RCC1L: variants seen among roughly 807,000 people sequenced by gnomAD.
RCC1L encodes RCC1 like, also known as RCC1-like G exchanging factor-like protein.
RCC1L carries 46 observed loss-of-function variants against 58.6 expected under a neutral mutation model. The observed-to-expected ratio is 0.79, with a 90% CI of 0.62 to 1.00. RCC1L has a LOEUF of 1.00. Ranked by LOEUF, RCC1L falls within the 50% of genes least tolerant of loss-of-function variation. The pLI, the probability that RCC1L is intolerant of heterozygous loss-of-function variation, is 0.00. For missense variants in RCC1L, 636 were observed against 623.6 expected, an observed-to-expected ratio of 1.02 and a Z score of -0.21; for synonymous variants, 281 against 262.9, an observed-to-expected ratio of 1.07 and a Z score of -0.67.
chr7:75,027,932 GC>G, exon 11 of RCC1L: 1 of 1,305,436 alleles, frequency 7.7e-7, no homozygotes, highest in Non-Finnish European at 1.1e-6. Flanking sequence ...GTCTCTCCAG[GC>G]CCCAGACCCC....
intron 6 of RCC1L, 36 bp downstream of exon 6, chr7:75,061,171 A>T: frequency 1.3e-6 from 2 of 1,559,888 alleles, no homozygotes; most frequent in African/African-American, 2.7e-5. Flanking sequence ...ACGGGCTGAG[A>T]AGTTTCACGA....
At chr7:75,037,717 G>A (rs1284544151), downstream of RCC1L, among the ~76,000 whole-genome samples, 3 of 151,352 alleles carry the variant, frequency 2.0e-5, no homozygotes, top group Admixed American at 1.3e-4. Flanking sequence ...TCTCAGACTG[G>A]TCAGACTGGT....
At chr7:75,050,024 C>T (rs1256592970) in intron 10 of RCC1L, among the ~76,000 whole-genome samples, 7 of 152,184 alleles carry the variant, frequency 4.6e-5, no homozygotes, top group Non-Finnish European at 8.8e-5. Flanking sequence ...TTAGGGGCTC[C>T]CTGAATGTGC....
In RCC1L at chr7:75,057,667, C is replaced by T. The variant is rs920349829; in HGVS notation, c.970-51G>A. On this transcript the variant is annotated intron_variant, in intron 7 of 10. Transcript: ENST00000610322. ...GTTAGGAAAGCAAGCCAGTAAGGAC[C>T]GGGAAGTGTTCTGGTCTTAGGTACA... is the stretch of plus-strand genomic sequence containing the variant. The T allele has an allele frequency of 5.2e-5, 82 of 1,576,746 alleles. No homozygotes were observed. In the South Asian group the frequency reaches 5.9e-4, roughly 11 times the overall value.
At chr7:75,057,822 T>C (rs1413831588) in intron 7 of RCC1L, 4 of 638,702 alleles carry the variant, frequency 6.3e-6, no homozygotes, top group African/African-American at 5.5e-5. Flanking sequence ...CAGAGAGTTC[T>C]AGTCTAGTGG....
intron 10 of RCC1L, 35 bp downstream of exon 10, chr7:75,052,676 G>T (rs1554443472): frequency 6.3e-7 from 1 of 1,579,990 alleles, no homozygotes; most frequent in East Asian, 2.3e-5. Flanking sequence ...TCTACTCTTA[G>T]CATCCATTCT....
At chr7:75,063,404 C>T (rs1806341876) in intron 4 of RCC1L, 61 bp from the exon 5 acceptor site, 3 of 1,573,944 alleles carry the variant, frequency 1.9e-6, no homozygotes, top group Non-Finnish European at 2.6e-6. Flanking sequence ...CACTGTGCAG[C>T]CCTTTCCCTG....
At chr7:75,034,094 C>T (rs1261283033) in intron 10 of RCC1L, among the ~76,000 whole-genome samples, 3 of 152,056 alleles carry the variant, frequency 2.0e-5, no homozygotes, top group Admixed American at 1.3e-4. Context: ...ACACAGTTTG[C>T]GAAAAACCAC....
chr7:75,039,920 T>C (rs1330316434), downstream of RCC1L, among the ~76,000 whole-genome samples: 55 of 151,992 alleles, frequency 3.6e-4, no homozygotes, highest in Non-Finnish European at 5.9e-5. Context: ...GACGTGTGTG[T>C]CAAATGCTGG....
At position 75,042,225 on chromosome 7, in the gene RCC1L, A is replaced by G; in HGVS notation, c.*807T>C. 2.0e-6 allele frequency: 2 copies of G among 985,484 alleles called. No homozygotes were observed. The highest frequency in any genetic ancestry group is 1.7e-5 in the African/African-American group (1 of 57,374). The allele number at this position is 985,484 out of a possible 1,614,324, so 61.0% of individuals were successfully genotyped here. On this transcript the variant is annotated 3_prime_UTR_variant, in exon 11 of 11. Transcript: ENST00000610322. ...GAAAATAGACTTTATTCCAAGACAGATTTGTAAAAGATGTTTTTAAAGGGA... is the reference window on the plus strand; with the variant it reads ...GAAAATAGACTTTATTCCAAGACAGGTTTGTAAAAGATGTTTTTAAAGGGA...
intron 1 of RCC1L, among the ~76,000 whole-genome samples, chr7:75,072,025 G>C (rs1806748239): frequency 6.7e-6 from 1 of 149,598 alleles, no homozygotes; most frequent in Non-Finnish European, 1.5e-5. Context: ...GAATCCAGGA[G>C]GTCGAGGCTG....
chr7:75,057,630 A>G lies in RCC1L; in HGVS notation c.970-14T>C. 1 of 1,613,702 alleles carries G rather than the reference A, an allele frequency of 6.2e-7. No individual in the cohort carries two copies. On this transcript the variant is annotated splice_polypyrimidine_tract_variant and intron_variant, in intron 7 of 10. Transcript: ENST00000610322. ...GGGCACATTCACCTGAACCAAAGAA[A>G]GGAGCCACACTGTTAGGAAAGCAAG... is the stretch of plus-strand genomic sequence containing the variant.
intron 2 of RCC1L, among the ~76,000 whole-genome samples, 170 bp from the exon 3 acceptor site, chr7:75,066,962 T>C (rs1162484764): frequency 6.6e-6 from 1 of 152,154 alleles, no homozygotes; most frequent in East Asian, 1.9e-4. Context: ...TCCCAGCCCA[T>C]GGCATGGGCT....
intron 10 of RCC1L, among the ~76,000 whole-genome samples, chr7:75,051,279 TACAC>T (rs1238756972): frequency 3.4e-5 from 5 of 148,186 alleles, no homozygotes; most frequent in Non-Finnish European, 7.4e-5. Context: ...CACACATATA[TACAC>T]ACACATATAA....
At position 75,043,087 on chromosome 7, in the gene RCC1L, A is replaced by C; in HGVS notation, c.1340T>G (p.Val447Gly). The C allele has an allele frequency of 6.2e-7, 1 of 1,614,042 alleles. No individual in the cohort carries two copies. The highest frequency in any genetic ancestry group is 8.5e-7 in the Non-Finnish European group (1 of 1,179,876). Residue 447 changes from valine to glycine, a missense_variant, in exon 11 of 11, where the codon GTG becomes GGG. Physicochemically the swap from Val to Gly is moderately radical, Grantham distance 109. Coordinates refer to ENST00000610322, the MANE Select transcript of RCC1L (RefSeq NM_030798.5). ...GTGGTCCACGCCACATGCCACGTCC[A>C]CAGGCTCCCCAGGCATCGTCACCTG... is the stretch of plus-strand genomic sequence containing the variant. ...PWRVTMPGEP[V>G]DVACGVDHMV... is the part of the protein sequence containing the mutation.
chr7:75,048,266 C>CAAAA (rs1166086711), intron 10 of RCC1L, among the ~76,000 whole-genome samples: 2 of 95,764 alleles, frequency 2.1e-5, no homozygotes, highest in African/African-American at 8.1e-5. Flanking sequence ...GACATCGCCT[C>CAAAA]AAAAAAAAAA....
At chr7:75,056,750 C>T (rs1203304788) in intron 8 of RCC1L, 1 of 1,532,818 alleles carries the variant, frequency 6.5e-7, no homozygotes, top group African/African-American at 1.4e-5. Context: ...AGACTATTCG[C>T]TTTTTGTTAA....
intron 8 of RCC1L, chr7:75,056,726 T>C: frequency 1.3e-6 from 2 of 1,535,302 alleles, no homozygotes; most frequent in Non-Finnish European, 1.7e-6. Context: ...GCCATGTATC[T>C]ACAGATAAAT....
At chr7:75,071,083 C>T (rs1420897113) in intron 1 of RCC1L, among the ~76,000 whole-genome samples, 2 of 152,142 alleles carry the variant, frequency 1.3e-5, no homozygotes, top group Admixed American at 6.5e-5. Flanking sequence ...CTCAAATTCC[C>T]GGCCTCAAGT....
Sources: gnomAD v4.1 joint callset for allele counts (sites outside exome capture counted in the v4.1 genomes callset) on GRCh38, gnomAD v4.1.1 for gene constraint, MANE v1.5 for transcripts, NCBI Gene and HGNC (gene_info 2026-07-23, HGNC 2026-07-21) for gene names.